COL22A1: variants seen among roughly 807,000 people sequenced by gnomAD.
The protein encoded by COL22A1 is collagen alpha-1(XXII) chain.
Under a neutral mutation model 248.9 loss-of-function variants are expected in COL22A1, and 221 were observed. The ratio of observed to expected loss-of-function variants is 0.89; its 90% CI spans 0.80 to 0.99. The LOEUF (loss-of-function observed/expected upper bound fraction) is 0.99, where lower values mean the gene tolerates loss of function less well. COL22A1 is among the 50% of genes least tolerant of loss of function. The pLI, the probability that COL22A1 is intolerant of heterozygous loss-of-function variation, is 0.00. For synonymous variants in COL22A1, 891 were observed against 793.4 expected (o/e 1.12, Z -2.07); for missense variants, 2,240 against 2,179.0 (o/e 1.03, Z -0.56).
In COL22A1 at chr8:138,796,855, GC is replaced by G; in HGVS notation, c.1559del (p.Gly520AlafsTer2). On this transcript the variant is annotated frameshift_variant and splice_region_variant, in exon 12 of 65. Transcript: ENST00000303045. LOFTEE classifies it high-confidence loss of function. Reference sequence around the variant, plus strand: ...TTTCCCCTTGGCCAAAAGGTCCTATGCCCTAGAAAAATGAAAGAAGGCAAAG... The same window carrying G: ...TTTCCCCTTGGCCAAAAGGTCCTATGCCTAGAAAAATGAAAGAAGGCAAAG... The part of the protein sequence containing the change: ...PGPKGEKGDV[G>X]IGPFGQGEKG... 6.3e-7 allele frequency: 1 copy of G among 1,596,812 alleles called. No individual in the cohort carries two copies. Among genetic ancestry groups the G allele is most frequent in the Non-Finnish European group, 8.6e-7 (1 of 1,164,468 alleles).
chr8:138,909,683 A>C (rs1170782343), intron 1 of COL22A1, among the ~76,000 whole-genome samples: 1 of 152,200 alleles, frequency 6.6e-6, no homozygotes, highest in Non-Finnish European at 1.5e-5. Context: ...GTGGACAGCA[A>C]GAGGGAGGTA....
At chr8:138,589,509 C>G (rs1816858643) in intron 64 of COL22A1, 69 bp from the exon 65 acceptor site, 1 of 1,257,214 alleles carries the variant, frequency 8.0e-7, no homozygotes, top group African/African-American at 1.6e-5. Context: ...GCCCTGAACT[C>G]ACAGCTTCCA....
At chr8:138,856,162 C>T (rs1323373340) in intron 3 of COL22A1, among the ~76,000 whole-genome samples, 2 of 152,234 alleles carry the variant, frequency 1.3e-5, no homozygotes, top group Non-Finnish European at 1.5e-5. Context: ...AATTCTGCAC[C>T]CGCCAGCTGT....
intron 1 of COL22A1, among the ~76,000 whole-genome samples, chr8:138,901,369 G>GTTTTTTTTTTT (rs1396582556): frequency 1.7e-5 from 2 of 118,772 alleles, no homozygotes; most frequent in Non-Finnish European, 1.7e-5. Context: ...TTTTTTTTTT[G>GTTTTTTTTTTT]TTTTTTTTTT....
rs747721728 is a variant in COL22A1, at chr8:138,613,905, T to G, written c.3940A>C (p.Thr1314Pro). The G allele has an allele frequency of 6.2e-7, 1 of 1,613,420 alleles. No homozygotes were observed. Among genetic ancestry groups the G allele is most frequent in the African/African-American group, 1.3e-5 (1 of 75,026 alleles). ...LPGKDGDTGP[T>P]GPQGPQGPRG... ...GGTCCTTGGGGACCCTGTGGCCCAGTGGGTCCAGTGTCACCCTGGAACAAA... is the reference window on the plus strand; with the variant it reads ...GGTCCTTGGGGACCCTGTGGCCCAGGGGGTCCAGTGTCACCCTGGAACAAA... The change falls in exon 56 of 65, where the codon ACT (threonine) becomes CCT (proline). Residue 1314 changes from threonine to proline, a missense_variant. Thr to Pro is a conservative substitution (Grantham distance 38, BLOSUM62 -1). Transcript: ENST00000303045.
rs370563319 is a variant in COL22A1 at position 138,724,616 on chromosome 8, G to T, written c.2246C>A (p.Thr749Lys). ...FPGKPGPPGP[T>K]GPPGKDGPNG... ...AGGAAGATGTTTCCGAACACTCACC[G>T]TGGGCCCAGGAGGTCCAGGCTTTCC... The change falls in exon 25 of 65, where the codon ACG (threonine) becomes AAG (lysine). Residue 749 changes from threonine to lysine, a missense_variant and splice_region_variant. By Grantham distance (78) the Thr-to-Lys change is moderately conservative. Transcript: ENST00000303045. 5.6e-6 allele frequency: 9 copies of T among 1,614,010 alleles called. No individual in the cohort carries two copies. Among genetic ancestry groups the T allele is most frequent in the Non-Finnish European group, 7.6e-6 (9 of 1,179,902 alleles).
intron 39 of COL22A1, among the ~76,000 whole-genome samples, chr8:138,680,575 T>G (rs1466558806): frequency 6.6e-6 from 1 of 152,140 alleles, no homozygotes; most frequent in Non-Finnish European, 1.5e-5. Context: ...TTCAAATAAC[T>G]CCCTTCCTTG....
At chr8:138,811,483 T>A (rs1394179105) in intron 9 of COL22A1, among the ~76,000 whole-genome samples, 1 of 152,110 alleles carries the variant, frequency 6.6e-6, no homozygotes, top group African/African-American at 2.4e-5. Flanking sequence ...CTCACTGTCT[T>A]CTTCTGAGTC....
rs1415562286 is a variant in COL22A1, at chr8:138,615,547, AATTT to A, written c.3924+450_3924+453del. The stretch of plus-strand genomic sequence containing the variant: ...CTCCATCTCAAAAAAAAAAAAAAAA[AATTT>A]TTTTTTTCTTGTTCTGCCAAGATCC... On this transcript the variant is annotated intron_variant, in intron 55 of 64. Coordinates refer to ENST00000303045, the MANE Select transcript of COL22A1 (RefSeq NM_152888.3). Among the ~76,000 whole-genome samples the A allele has an allele frequency of 2.6e-5, 4 of 151,394 alleles. No individual in the cohort carries two copies. The East Asian group carries it at 7.8e-4, about 30-fold the overall frequency.
chr8:138,767,131 C>A (rs1833969907), intron 16 of COL22A1, among the ~76,000 whole-genome samples: 1 of 152,200 alleles, frequency 6.6e-6, no homozygotes, highest in Admixed American at 6.5e-5. Context: ...TTAATACTTA[C>A]CCAGTAAAGC....
At chr8:138,763,490 C>T (rs932711992) in intron 16 of COL22A1, among the ~76,000 whole-genome samples, 1 of 152,172 alleles carries the variant, frequency 6.6e-6, no homozygotes, top group Non-Finnish European at 1.5e-5. Context: ...CCTAGCTGTG[C>T]CCTGGTTTTC....
At chr8:138,700,909 C>T (rs925359212) in intron 31 of COL22A1, among the ~76,000 whole-genome samples, 2 of 142,738 alleles carry the variant, frequency 1.4e-5, no homozygotes, top group East Asian at 2.1e-4. Context: ...GGCATGAACC[C>T]AGGAGGCGGA....
chr8:138,751,848 C>CCAGT (rs1832633523), intron 21 of COL22A1, among the ~76,000 whole-genome samples: 1 of 152,184 alleles, frequency 6.6e-6, no homozygotes, highest in Admixed American at 6.5e-5. Flanking sequence ...GATTCTAAGC[C>CCAGT]CAGTGCCCTT....
intron 41 of COL22A1, among the ~76,000 whole-genome samples, chr8:138,672,908 C>T (rs950833888): frequency 2.6e-5 from 4 of 152,208 alleles, no homozygotes; most frequent in African/African-American, 9.6e-5. Context: ...CTAATTTGGA[C>T]TTTAATCTGT....
At chr8:138,718,790 A>G (rs1340094625) in intron 27 of COL22A1, among the ~76,000 whole-genome samples, 1 of 152,240 alleles carries the variant, frequency 6.6e-6, no homozygotes, top group Non-Finnish European at 1.5e-5. Flanking sequence ...TTGAATAAAA[A>G]TGACACATGA....
intron 41 of COL22A1, among the ~76,000 whole-genome samples, chr8:138,676,302 A>G (rs1825500880): frequency 1.3e-5 from 1 of 77,628 alleles, no homozygotes; most frequent in East Asian, 5.5e-4. Context: ...AGGCTGAGGC[A>G]GGAGAATCAC....
intron 25 of COL22A1, among the ~76,000 whole-genome samples, chr8:138,723,066 G>GA (rs67823536): frequency 0.045 from 6,765 of 149,336 alleles, 187 homozygotes; most frequent in East Asian, 0.12. Flanking sequence ...AAAGTTGAAG[G>GA]AAAAAAAAAA....
At chr8:138,703,433 C>T (rs918403244) in intron 30 of COL22A1, 86 bp from the exon 31 acceptor site, 2 of 1,291,644 alleles carry the variant, frequency 1.5e-6, no homozygotes, top group Non-Finnish European at 2.2e-6. Flanking sequence ...CACTATTTTC[C>T]CCAGACAACA....
intron 30 of COL22A1, among the ~76,000 whole-genome samples, chr8:138,704,920 A>G (rs960464763): frequency 4.6e-5 from 7 of 152,240 alleles, no homozygotes; most frequent in African/African-American, 1.7e-4. Flanking sequence ...AATAAACAGC[A>G]TAGAGAAGAC....
Sources: allele counts gnomAD v4.1 joint callset (sites outside exome capture counted in the v4.1 genomes callset), GRCh38; gene constraint gnomAD v4.1.1; transcripts MANE v1.5; gene names NCBI Gene and HGNC (gene_info 2026-07-23, HGNC 2026-07-21).